SEM1: variants seen among roughly 807,000 people sequenced by gnomAD.
SEM1 encodes SEM1 26S proteasome subunit, also known as 26S proteasome complex subunit SEM1.
In SEM1, 3 loss-of-function variants were observed where a neutral mutation model predicts 12.7. That is an observed-to-expected ratio of 0.24 (90% CI 0.11 to 0.61). SEM1 has a LOEUF of 0.61. Among genes scored for constraint, SEM1 ranks in the 20% least tolerant of loss-of-function variants. The pLI, the probability that SEM1 is intolerant of heterozygous loss-of-function variation, is 0.88. For missense variants in SEM1, 59 were observed against 81.3 expected (o/e 0.73, Z 1.06); for synonymous variants, 30 against 27.8 (o/e 1.08, Z -0.25).
At chr7:96,668,827 T>C (rs560334390), downstream of SEM1, among the ~76,000 whole-genome samples, 89 of 152,262 alleles carry the variant, frequency 5.8e-4, 2 homozygotes, top group South Asian at 0.018. Flanking sequence ...CTTGCAGATA[T>C]AATGAATAAG....
intron 2 of SEM1, among the ~76,000 whole-genome samples, chr7:96,613,386 A>C (rs1807603292): frequency 6.6e-6 from 1 of 152,148 alleles, no homozygotes; most frequent in African/African-American, 2.4e-5. Context: ...TTTATTTTAT[A>C]TGTATTTGAG....
At chr7:96,492,194 C>T (rs1241122539) in intron 1 of SEM1, among the ~76,000 whole-genome samples, 2 of 152,120 alleles carry the variant, frequency 1.3e-5, no homozygotes, top group African/African-American at 2.4e-5. Context: ...TTCATCTTTC[C>T]AAACTGAATT....
chr7:96,587,160 GA>G (rs957860821), intron 2 of SEM1, among the ~76,000 whole-genome samples: 10 of 152,148 alleles, frequency 6.6e-5, no homozygotes, highest in Middle Eastern at 6.3e-3. Flanking sequence ...CAAGATTAAA[GA>G]GATTTTTTTA....
chr7:96,559,197 T>C (rs934903060), intron 2 of SEM1, among the ~76,000 whole-genome samples: 16 of 152,206 alleles, frequency 1.1e-4, no homozygotes, highest in African/African-American at 3.6e-4. Flanking sequence ...TTTTAGTATA[T>C]AAATTTTTTC....
intron 2 of SEM1, among the ~76,000 whole-genome samples, chr7:96,580,592 T>A (rs1185944650): frequency 1.3e-5 from 2 of 151,896 alleles, no homozygotes; most frequent in Non-Finnish European, 1.5e-5. Flanking sequence ...ACCAACAGTG[T>A]AAAAGTGTTC....
At chr7:96,564,781 A>G (rs745313455) in intron 2 of SEM1, among the ~76,000 whole-genome samples, 1 of 152,046 alleles carries the variant, frequency 6.6e-6, no homozygotes, top group Non-Finnish European at 1.5e-5. Context: ...GAGAGTTTTT[A>G]AAGTACTTAG....
intron 2 of SEM1, among the ~76,000 whole-genome samples, chr7:96,540,909 C>T (rs542738750): frequency 1.3e-5 from 2 of 151,966 alleles, no homozygotes; most frequent in Non-Finnish European, 2.9e-5. Context: ...CTGCAAAGGA[C>T]ATGATTTCAT....
intron 2 of SEM1, among the ~76,000 whole-genome samples, chr7:96,570,966 T>C (rs1349385797): frequency 2.6e-5 from 4 of 151,856 alleles, no homozygotes; most frequent in Admixed American, 2.0e-4. Flanking sequence ...TGATGAGCTT[T>C]TTTTTTTTTT....
At chr7:96,581,871 G>A (rs1806423216) in intron 2 of SEM1, among the ~76,000 whole-genome samples, 1 of 152,040 alleles carries the variant, frequency 6.6e-6, no homozygotes, top group African/African-American at 2.4e-5. Flanking sequence ...GAGATTTTGG[G>A]CTGAGACAAT....
At chr7:96,687,080 A>T (rs764198310), downstream of SEM1, among the ~76,000 whole-genome samples, 9 of 152,218 alleles carry the variant, frequency 5.9e-5, no homozygotes, top group Non-Finnish European at 1.3e-4. Flanking sequence ...TCAAAACCAC[A>T]ATGAGATACC....
intron 2 of SEM1, among the ~76,000 whole-genome samples, chr7:96,517,234 A>G (rs1804124575): frequency 6.6e-6 from 1 of 152,152 alleles, no homozygotes; most frequent in South Asian, 2.1e-4. Flanking sequence ...TTTGAGTGAT[A>G]AAGTGTCAGT....
At chr7:96,528,274 A>C (rs1804534067) in intron 2 of SEM1, among the ~76,000 whole-genome samples, 2 of 151,960 alleles carry the variant, frequency 1.3e-5, no homozygotes, top group South Asian at 4.2e-4. Flanking sequence ...GCTCACTTCA[A>C]CCTCTGCCTC....
intron 2 of SEM1, among the ~76,000 whole-genome samples, chr7:96,654,055 G>C (rs1809092705): frequency 6.6e-6 from 1 of 152,196 alleles, no homozygotes; most frequent in Admixed American, 6.5e-5. Context: ...TGTTTAAATG[G>C]TTTGCAGAGC....
intron 2 of SEM1, among the ~76,000 whole-genome samples, chr7:96,520,097 A>C (rs1346228641): frequency 6.6e-6 from 1 of 152,212 alleles, no homozygotes; most frequent in Non-Finnish European, 1.5e-5. Flanking sequence ...TGTTATAATC[A>C]TCCCAGCTGA....
At chr7:96,663,147 GAA>G (rs138931192) in intron 2 of SEM1, among the ~76,000 whole-genome samples, 1 of 146,646 alleles carries the variant, frequency 6.8e-6, no homozygotes, top group African/African-American at 2.5e-5. Flanking sequence ...GATATTCCAG[GAA>G]AAAAAAAAGT....
At chr7:96,583,205 A>T (rs1806481232) in intron 2 of SEM1, among the ~76,000 whole-genome samples, 1 of 148,856 alleles carries the variant, frequency 6.7e-6, no homozygotes, top group African/African-American at 2.5e-5. Context: ...GAACATCTTT[A>T]TTTCTGCCTT....
At chr7:96,667,381 T>C (rs998523132) in intron 2 of SEM1, among the ~76,000 whole-genome samples, 1 of 152,194 alleles carries the variant, frequency 6.6e-6, no homozygotes, top group Non-Finnish European at 1.5e-5. Flanking sequence ...TAGCTGCCCT[T>C]GTCTCAGTTT....
chr7:96,709,538 T>C, intron 1 of SEM1, 150 bp downstream of exon 1: 2 of 729,498 alleles, frequency 2.7e-6, no homozygotes, highest in African/African-American at 1.8e-5. Context: ...GGGGCGCCAC[T>C]GAGGGGTGAG....
At chr7:96,691,142 C>T (rs368082555) in intron 2 of SEM1, among the ~76,000 whole-genome samples, 5 of 152,108 alleles carry the variant, frequency 3.3e-5, no homozygotes, top group Admixed American at 2.6e-4. Context: ...CTACCTATTT[C>T]TCTTAATACA....
Sources: gnomAD v4.1 joint callset for allele counts (sites outside exome capture counted in the v4.1 genomes callset) on GRCh38, gnomAD v4.1.1 for gene constraint, MANE v1.5 for transcripts, NCBI Gene and HGNC (gene_info 2026-07-23, HGNC 2026-07-21) for gene names.